Variants in SPAST observed in about 807,000 individuals in gnomAD.
SPAST encodes the protein spastin.
SPAST carries 30 observed loss-of-function variants against 76.6 expected under a neutral mutation model. That is an observed-to-expected ratio of 0.39 (90% CI 0.29 to 0.53). The LOEUF (loss-of-function observed/expected upper bound fraction) is 0.53. SPAST is among the 20% of genes least tolerant of loss of function. SPAST has a pLI of 0.68. For synonymous variants in SPAST, 305 were observed against 281.0 expected, an observed-to-expected ratio of 1.09 and a Z score of -0.86; for missense variants, 717 against 770.5, an observed-to-expected ratio of 0.93 and a Z score of 0.82.
At chr2:32,123,472 G>A (rs1005113400) in intron 7 of SPAST, among the ~76,000 whole-genome samples, 3 of 152,228 alleles carry the variant, frequency 2.0e-5, no homozygotes, top group African/African-American at 4.8e-5. Flanking sequence ...TTCATATATC[G>A]ATTCAGTGCA....
At chr2:32,096,323 T>C (rs1645564042) in intron 3 of SPAST, among the ~76,000 whole-genome samples, 2 of 152,194 alleles carry the variant, frequency 1.3e-5, no homozygotes, top group South Asian at 4.1e-4. Context: ...TAATCCCAGC[T>C]ATTCGGGAGG....
intron 13 of SPAST, among the ~76,000 whole-genome samples, chr2:32,143,003 C>G (rs751214193): frequency 6.6e-6 from 1 of 152,078 alleles, no homozygotes; most frequent in African/African-American, 2.4e-5. Flanking sequence ...TGGTGTCTCA[C>G]GCCTATAATC....
intron 5 of SPAST, 102 bp from the exon 6 acceptor site, chr2:32,115,600 C>T: frequency 2.3e-6 from 2 of 877,160 alleles, no homozygotes; most frequent in Admixed American, 2.4e-5. Flanking sequence ...ACCCTTTTTC[C>T]TATTTTTAAA....
At chr2:32,091,154 A>G (rs1677698408) in intron 3 of SPAST, among the ~76,000 whole-genome samples, 2 of 151,832 alleles carry the variant, frequency 1.3e-5, no homozygotes, top group South Asian at 4.1e-4. Context: ...ATATTTGGTA[A>G]GCAGGTAAAC....
rs530575144 is a variant in SPAST, at chr2:32,084,969, A to C, written c.416-2523A>C. Reference sequence around the variant, plus strand: ...AAAAGGAACTTCTTTTGTATCTGTTACATTGTACTCATTTTGTTTTTAAAA... The same window carrying C: ...AAAAGGAACTTCTTTTGTATCTGTTCCATTGTACTCATTTTGTTTTTAAAA... On this transcript the variant is annotated intron_variant, in intron 1 of 16. Coordinates refer to ENST00000315285, the MANE Select transcript of SPAST (RefSeq NM_014946.4). 5.3e-5 allele frequency among the ~76,000 whole-genome samples: 8 copies of C among 151,496 alleles called. No individual in the cohort carries two copies. The South Asian group carries it at 1.7e-3, about 32-fold the overall frequency.
chr2:32,064,276 GGCGC>G, intron 1 of SPAST, 30 bp downstream of exon 1: 3 of 1,493,618 alleles, frequency 2.0e-6, no homozygotes, highest in South Asian at 1.2e-5. Flanking sequence ...AGGGGGCGGC[GGCGC>G]CGGGAAGAAG....
intron 1 of SPAST, 28 bp downstream of exon 1, chr2:32,064,274 GCGGCGCC>G: frequency 1.3e-6 from 2 of 1,496,400 alleles, no homozygotes; most frequent in Non-Finnish European, 1.8e-6. Flanking sequence ...GGAGGGGGCG[GCGGCGCC>G]GGGAAGAAGG....
At chr2:32,147,350 T>C in intron 16 of SPAST, 92 bp downstream of exon 16, 1 of 633,822 alleles carries the variant, frequency 1.6e-6, no homozygotes, top group Non-Finnish European at 2.6e-6. Flanking sequence ...GTGTGGTTTT[T>C]TTTTTTTTTT....
chr2:32,095,928 C>G (rs999096008), intron 3 of SPAST, among the ~76,000 whole-genome samples: 1 of 151,950 alleles, frequency 6.6e-6, no homozygotes, highest in Admixed American at 6.6e-5. Flanking sequence ...TAGGAAGGAG[C>G]TTGGGCTCTT....
chr2:32,073,159 C>T (rs1046368987), intron 1 of SPAST, among the ~76,000 whole-genome samples: 1 of 152,132 alleles, frequency 6.6e-6, no homozygotes, highest in East Asian at 1.9e-4. Context: ...GTTAGTTGTC[C>T]TGATGACAAT....
Position 32,087,590 on chromosome 2 carries a change from T to A in SPAST, c.502+12T>A. 1 of 1,440,762 alleles carries A rather than the reference T, an allele frequency of 6.9e-7. No homozygotes were observed. Among genetic ancestry groups the A allele is most frequent in the Non-Finnish European group, 9.7e-7 (1 of 1,026,738 alleles). The allele number at this position is 1,440,762 out of a possible 1,614,324, so 89.2% of individuals were successfully genotyped here. On this transcript the variant is annotated intron_variant, in intron 2 of 16. Transcript: ENST00000315285. ...AGTTACAGGACAAGGTAAGATTGTA[T>A]TTGTTTATAGCCATCCCAAATTATG...
chr2:32,133,449 A>G (rs936550346), intron 9 of SPAST, among the ~76,000 whole-genome samples: 1 of 152,160 alleles, frequency 6.6e-6, no homozygotes, highest in Non-Finnish European at 1.5e-5. Context: ...TACTAACATC[A>G]TAGACAAAGC....
At position 32,081,022 on chromosome 2, in the gene SPAST, G is replaced by A. The variant is rs542671911; in HGVS notation, c.416-6470G>A. 6.6e-5 allele frequency among the ~76,000 whole-genome samples: 10 copies of A among 151,566 alleles called. No homozygotes were observed. In the East Asian group the frequency reaches 1.7e-3, roughly 27 times the overall value. ...CACCCAGCCTGGAGTGCAATGGCAC[G>A]ATCTTGGCTCACCGCAGCCTCCGCC... On this transcript the variant is annotated intron_variant, in intron 1 of 16. Coordinates refer to ENST00000315285, the MANE Select transcript of SPAST (RefSeq NM_014946.4).
intron 3 of SPAST, among the ~76,000 whole-genome samples, chr2:32,096,542 T>A (rs1394283612): frequency 1.3e-5 from 2 of 152,236 alleles, no homozygotes; most frequent in Non-Finnish European, 2.9e-5. Context: ...TGGAGCAGGT[T>A]CACAGAAGCA....
chr2:32,100,743 G>C (rs1329327382), intron 4 of SPAST, among the ~76,000 whole-genome samples: 1 of 152,150 alleles, frequency 6.6e-6, no homozygotes, highest in Non-Finnish European at 1.5e-5. Flanking sequence ...AGTTTGCTCA[G>C]AATGATGGTT....
chr2:32,125,672 AGACTCT>A (rs1679166684), intron 7 of SPAST, among the ~76,000 whole-genome samples: 1 of 152,204 alleles, frequency 6.6e-6, no homozygotes, highest in East Asian at 1.9e-4. Flanking sequence ...CTGAATCTGG[AGACTCT>A]GACTTATTTC....
chr2:32,070,838 C>T (rs1394392261), intron 1 of SPAST, among the ~76,000 whole-genome samples: 4 of 152,134 alleles, frequency 2.6e-5, no homozygotes, highest in African/African-American at 9.7e-5. Flanking sequence ...GCCCTGTTGA[C>T]TAAGTTGGTA....
At chr2:32,066,310 C>G (rs1198137920) in intron 1 of SPAST, among the ~76,000 whole-genome samples, 1 of 152,082 alleles carries the variant, frequency 6.6e-6, no homozygotes, top group Non-Finnish European at 1.5e-5. Context: ...TAAGAACATC[C>G]AGGATCCCTT....
At chr2:32,071,492 C>A (rs1676749437) in intron 1 of SPAST, among the ~76,000 whole-genome samples, 1 of 152,036 alleles carries the variant, frequency 6.6e-6, no homozygotes, top group East Asian at 1.9e-4. Context: ...TTATTCTGAG[C>A]CAAATATGAG....
Sources: gnomAD v4.1 joint callset for allele counts (sites outside exome capture counted in the v4.1 genomes callset) on GRCh38, gnomAD v4.1.1 for gene constraint, MANE v1.5 for transcripts, NCBI Gene and HGNC (gene_info 2026-07-23, HGNC 2026-07-21) for gene names.